Variants in SUPT3H observed in about 807,000 individuals in gnomAD.
SUPT3H encodes the protein transcription initiation protein SPT3 homolog.
In SUPT3H, 44 loss-of-function variants were observed where a neutral mutation model predicts 44.3. The observed-to-expected ratio is 0.99, with a 90% CI of 0.78 to 1.28. SUPT3H has a LOEUF of 1.28. SUPT3H is among the 50% of genes most tolerant of loss of function. The probability of loss-of-function intolerance (pLI) is 0.00; values close to 1 mark genes in which losing one functional copy is unlikely to be tolerated. For synonymous variants in SUPT3H, 124 were observed against 125.6 expected, an observed-to-expected ratio of 0.99 and a Z score of 0.09; for missense variants, 380 against 387.1, an observed-to-expected ratio of 0.98 and a Z score of 0.15.
At chr6:44,978,512 T>C (rs1024856356) in intron 6 of SUPT3H, among the ~76,000 whole-genome samples, 2 of 152,124 alleles carry the variant, frequency 1.3e-5, no homozygotes, top group Non-Finnish European at 2.9e-5. Flanking sequence ...TGGTAAAAGA[T>C]AAAAACTGTC....
chr6:45,098,914 G>T, intron 3 of SUPT3H: 2 of 527,576 alleles, frequency 3.8e-6, no homozygotes, highest in Non-Finnish European at 3.8e-6. Flanking sequence ...CATAAAATGG[G>T]GAAGATCCCA....
intron 6 of SUPT3H, among the ~76,000 whole-genome samples, chr6:44,983,281 T>G (rs1038110178): frequency 6.6e-6 from 1 of 152,148 alleles, no homozygotes; most frequent in Non-Finnish European, 1.5e-5. Context: ...AAGTGGACAT[T>G]CTAGATTACA....
intron 2 of SUPT3H, chr6:45,321,817 G>A: frequency 6.2e-7 from 1 of 1,605,840 alleles, no homozygotes; most frequent in Non-Finnish European, 8.5e-7. Context: ...ATTCAGCAGT[G>A]GAAGGATATT....
intron 2 of SUPT3H, among the ~76,000 whole-genome samples, chr6:45,346,563 A>ATTTT (rs1554355142): frequency 1.8e-5 from 2 of 112,582 alleles, no homozygotes; most frequent in Non-Finnish European, 3.7e-5. Flanking sequence ...TTCAATAAAC[A>ATTTT]TTTCTTTTTT....
chr6:45,105,090 C>A (rs953984866), intron 3 of SUPT3H, among the ~76,000 whole-genome samples: 1 of 151,386 alleles, frequency 6.6e-6, no homozygotes, highest in African/African-American at 2.4e-5. Context: ...GCATATACAA[C>A]GAGAAACAGA....
At chr6:45,345,041 C>A (rs1346742158) in intron 2 of SUPT3H, among the ~76,000 whole-genome samples, 1 of 152,136 alleles carries the variant, frequency 6.6e-6, no homozygotes, top group Admixed American at 6.6e-5. Flanking sequence ...AAAGGCTGTA[C>A]ATTAAAACGT....
intron 9 of SUPT3H, among the ~76,000 whole-genome samples, chr6:44,939,869 T>A (rs1449023058): frequency 6.7e-6 from 1 of 148,306 alleles, no homozygotes; most frequent in East Asian, 2.0e-4. Context: ...TCTGTGACAA[T>A]CTTTTGTATG....
At chr6:44,883,281 A>G (rs774998899) in intron 10 of SUPT3H, among the ~76,000 whole-genome samples, 1 of 152,196 alleles carries the variant, frequency 6.6e-6, no homozygotes, top group Non-Finnish European at 1.5e-5. Context: ...CACAATTGCT[A>G]CAAAGAGAAT....
chr6:45,086,783 G>C (rs1238896011), intron 3 of SUPT3H, among the ~76,000 whole-genome samples: 1 of 151,684 alleles, frequency 6.6e-6, no homozygotes, highest in East Asian at 1.9e-4. Context: ...TCTGTGAATA[G>C]GTACACGGCT....
At chr6:45,367,279 T>G (rs1343580607) in intron 1 of SUPT3H, among the ~76,000 whole-genome samples, 1 of 152,070 alleles carries the variant, frequency 6.6e-6, no homozygotes, top group Non-Finnish European at 1.5e-5. Context: ...AACAAAAACG[T>G]TCCACTTAAA....
intron 2 of SUPT3H, among the ~76,000 whole-genome samples, chr6:45,261,600 G>A (rs888935156): frequency 1.3e-5 from 2 of 152,046 alleles, no homozygotes; most frequent in African/African-American, 4.8e-5. Context: ...AATCATCTAT[G>A]GCAAACCCAT....
intron 2 of SUPT3H, among the ~76,000 whole-genome samples, chr6:45,205,083 A>AAT (rs1562685540): frequency 6.6e-6 from 1 of 152,194 alleles, no homozygotes; most frequent in African/African-American, 2.4e-5. Context: ...CTGTACTATA[A>AAT]AGCAAAACCA....
At chr6:44,990,069 C>T (rs996069603) in intron 6 of SUPT3H, among the ~76,000 whole-genome samples, 3 of 152,082 alleles carry the variant, frequency 2.0e-5, no homozygotes, top group African/African-American at 7.2e-5. Flanking sequence ...AAAAATCTTA[C>T]CAAGGCCAAC....
chr6:45,306,035 C>CA (rs1435458663), intron 2 of SUPT3H, among the ~76,000 whole-genome samples: 1 of 152,250 alleles, frequency 6.6e-6, no homozygotes, highest in African/African-American at 2.4e-5. Context: ...CACAAGCCTC[C>CA]AGGCATCACA....
chr6:44,888,826 G>C (rs556975648), intron 10 of SUPT3H, among the ~76,000 whole-genome samples: 1 of 151,716 alleles, frequency 6.6e-6, no homozygotes, highest in Non-Finnish European at 1.5e-5. Flanking sequence ...AAGTCAAATT[G>C]TCCCTGTTTG....
At chr6:45,003,604 C>T (rs1371911549) in intron 6 of SUPT3H, 49 bp downstream of exon 6, 1 of 1,591,448 alleles carries the variant, frequency 6.3e-7, no homozygotes. Flanking sequence ...ACAGCATAGG[C>T]ACTGCAATGA....
At chr6:44,991,934 G>C (rs1780670930) in intron 6 of SUPT3H, among the ~76,000 whole-genome samples, 1 of 152,050 alleles carries the variant, frequency 6.6e-6, no homozygotes, top group African/African-American at 2.4e-5. Flanking sequence ...GATAAATAAA[G>C]GCCAAACTAT....
intron 3 of SUPT3H, among the ~76,000 whole-genome samples, chr6:45,038,564 C>T (rs1434555084): frequency 6.6e-6 from 1 of 152,060 alleles, no homozygotes; most frequent in African/African-American, 2.4e-5. Flanking sequence ...GTGACTGAGT[C>T]CACTTTTGGC....
chr6:45,365,356 C>CAA (rs965242582), intron 1 of SUPT3H, 55 bp from the exon 2 acceptor site: 225 of 954,796 alleles, frequency 2.4e-4, no homozygotes, highest in Admixed American at 1.4e-4. Flanking sequence ...TAAGTAAATG[C>CAA]AAAAAAAAAA....
Sources: allele counts gnomAD v4.1 joint callset (sites outside exome capture counted in the v4.1 genomes callset), GRCh38; gene constraint gnomAD v4.1.1; transcripts MANE v1.5; gene names NCBI Gene and HGNC (gene_info 2026-07-23, HGNC 2026-07-21).